PDK1: variants seen among roughly 807,000 people sequenced by gnomAD.
PDK1 encodes the protein pyruvate dehydrogenase kinase 1, also known as [Pyruvate dehydrogenase (acetyl-transferring)] kinase isozyme 1, mitochondrial.
PDK1 carries 39 observed loss-of-function variants against 54.2 expected under a neutral mutation model. The observed-to-expected ratio is 0.72, with a 90% CI of 0.56 to 0.94. The LOEUF (loss-of-function observed/expected upper bound fraction) is 0.94. Ranked by LOEUF, PDK1 falls within the 40% of genes least tolerant of loss-of-function variation. The pLI, the probability that PDK1 is intolerant of heterozygous loss-of-function variation, is 0.00. For synonymous variants in PDK1, 221 were observed against 207.1 expected (o/e 1.07, Z -0.58); for missense variants, 552 against 566.0 (o/e 0.98, Z 0.25).
chr2:172,672,762 G>C, the PDK1 span, among the ~76,000 whole-genome samples: 1 of 152,062 alleles, frequency 6.6e-6, no homozygotes, highest in South Asian at 2.1e-4. Context: ...ATAATTTACA[G>C]CAATTTTATG....
the PDK1 span, among the ~76,000 whole-genome samples, chr2:172,714,252 A>G: frequency 6.6e-6 from 1 of 152,234 alleles, no homozygotes; most frequent in Non-Finnish European, 1.5e-5. Context: ...AACCTATGAC[A>G]TCACTCTTTT....
chr2:172,723,619 C>T, the PDK1 span: 3 of 152,250 alleles, frequency 2.0e-5, no homozygotes, highest in African/African-American at 7.2e-5. Flanking sequence ...GGCACAACAA[C>T]TAAATGCAAT....
At chr2:172,663,086 A>G in the PDK1 span, among the ~76,000 whole-genome samples, 1 of 152,212 alleles carries the variant, frequency 6.6e-6, no homozygotes. Context: ...TCAACAGCAG[A>G]AATGTATTTC....
intron 7 of PDK1, among the ~76,000 whole-genome samples, chr2:172,569,101 T>G (rs13023751): frequency 0.14 from 20,769 of 152,256 alleles, 1,596 homozygotes; most frequent in African/African-American, 0.19. Context: ...GAGCCTCAGT[T>G]TCCTTTTCTG....
the PDK1 span, among the ~76,000 whole-genome samples, chr2:172,632,377 C>T: frequency 6.6e-6 from 1 of 152,046 alleles, no homozygotes; most frequent in African/African-American, 2.4e-5. Context: ...ATAAGTCATC[C>T]CAACTGCAAA....
chr2:172,580,117 C>T lies in PDK1; in HGVS notation c.946-6161C>T, dbSNP rs78234263. On this transcript the variant is annotated intron_variant, in intron 8 of 10. Transcript: ENST00000282077. ...ATTTGCCTCTGTACCCTGCATTGTC[C>T]GTTTCCTGAGTTTCCTTTTGTCCGT... is the stretch of plus-strand genomic sequence containing the variant. Among the ~76,000 whole-genome samples, 272 of 151,786 alleles carry T rather than the reference C, an allele frequency of 1.8e-3. 1 individual carries two copies. Among genetic ancestry groups the T allele is most frequent in the African/African-American group, 5.9e-3 (245 of 41,376 alleles).
intron 2 of PDK1, among the ~76,000 whole-genome samples, chr2:172,560,973 G>A (rs1307163868): frequency 6.6e-6 from 1 of 152,148 alleles, no homozygotes; most frequent in Admixed American, 6.6e-5. Flanking sequence ...AAGCATTATA[G>A]CGTATGGGAG....
the PDK1 span, among the ~76,000 whole-genome samples, chr2:172,691,589 C>T: frequency 6.6e-6 from 1 of 152,180 alleles, no homozygotes; most frequent in Admixed American, 6.5e-5. Context: ...CTCTCCTAAC[C>T]CCTGGCAACC....
intron 5 of PDK1, 134 bp from the exon 6 acceptor site, chr2:172,566,722 C>G (rs1323476423): frequency 1.2e-5 from 4 of 332,630 alleles, no homozygotes; most frequent in African/African-American, 2.3e-5. Context: ...AGCAGACTTT[C>G]ACCAAACTAT....
the PDK1 span, among the ~76,000 whole-genome samples, chr2:172,672,793 A>G: frequency 6.6e-6 from 1 of 152,228 alleles, no homozygotes; most frequent in Non-Finnish European, 1.5e-5. Flanking sequence ...ACTGATTGTT[A>G]AAAAGTGTTC....
chr2:172,566,337 C>T (rs1280302893), intron 5 of PDK1, among the ~76,000 whole-genome samples: 1 of 152,060 alleles, frequency 6.6e-6, no homozygotes, highest in Non-Finnish European at 1.5e-5. Flanking sequence ...GGTGGATCAC[C>T]TGAGGTCAGG....
chr2:172,663,490 A>T, the PDK1 span, among the ~76,000 whole-genome samples: 3 of 151,666 alleles, frequency 2.0e-5, no homozygotes, highest in Admixed American at 1.3e-4. Context: ...TTTTCTTGAG[A>T]CAGAGTCTCA....
the PDK1 span, among the ~76,000 whole-genome samples, chr2:172,659,601 A>C: frequency 1.3e-5 from 2 of 152,182 alleles, no homozygotes; most frequent in African/African-American, 2.4e-5. Context: ...ACATTAACCC[A>C]CATGCTAGGG....
chr2:172,675,001 T>C, the PDK1 span: 1 of 152,252 alleles, frequency 6.6e-6, no homozygotes, highest in African/African-American at 2.4e-5. Flanking sequence ...TTTATCTGTG[T>C]GATGATGATG....
chr2:172,581,976 A>G (rs1689936743), intron 8 of PDK1, among the ~76,000 whole-genome samples: 1 of 152,078 alleles, frequency 6.6e-6, no homozygotes, highest in South Asian at 2.1e-4. Flanking sequence ...GCAGTGGCAG[A>G]ATCTCAGCTC....
the PDK1 span, among the ~76,000 whole-genome samples, chr2:172,622,632 T>TGTGAGATATGTTTATATCTCAC: frequency 6.9e-6 from 1 of 144,400 alleles, no homozygotes; most frequent in African/African-American, 2.5e-5. Flanking sequence ...TATCTCATTA[T>TGTGAGATATGTTTATATCTCAC]GTGAGATATG....
the PDK1 span, among the ~76,000 whole-genome samples, chr2:172,710,586 T>C: frequency 6.6e-6 from 1 of 152,236 alleles, no homozygotes; most frequent in Non-Finnish European, 1.5e-5. Flanking sequence ...GGTTTAGGCA[T>C]GCACAGTCCT....
chr2:172,715,041 A>G, the PDK1 span, among the ~76,000 whole-genome samples: 1 of 152,362 alleles, frequency 6.6e-6, no homozygotes, highest in Non-Finnish European at 1.5e-5. Flanking sequence ...AAGAAAATAT[A>G]CAACACTAAC....
chr2:172,651,168 A>T, the PDK1 span, among the ~76,000 whole-genome samples: 2 of 152,090 alleles, frequency 1.3e-5, no homozygotes, highest in Non-Finnish European at 2.9e-5. Flanking sequence ...GGATTAAGAA[A>T]CTCACTCAAA....
Sources: allele counts gnomAD v4.1 joint callset (sites outside exome capture counted in the v4.1 genomes callset), GRCh38; gene constraint gnomAD v4.1.1; transcripts MANE v1.5; gene names NCBI Gene and HGNC (gene_info 2026-07-23, HGNC 2026-07-21).